The following MYLK4 variants were observed in gnomAD, a reference collection of about 807,000 sequenced individuals.
MYLK4 encodes the protein caMLCK like.
In MYLK4, 46 loss-of-function variants were observed where a neutral mutation model predicts 48.1. The observed-to-expected ratio is 0.96, with a 90% CI of 0.75 to 1.22. The LOEUF (loss-of-function observed/expected upper bound fraction) is 1.22, where lower values mean the gene tolerates loss of function less well. MYLK4 is among the 50% of genes most tolerant of loss of function. The probability of loss-of-function intolerance (pLI) is 0.00; values close to 1 mark genes in which losing one functional copy is unlikely to be tolerated. For synonymous variants in MYLK4, 170 were observed against 180.8 expected, an observed-to-expected ratio of 0.94 and a Z score of 0.48; for missense variants, 451 against 486.1, an observed-to-expected ratio of 0.93 and a Z score of 0.68.
rs149654319 is a variant in MYLK4 at position 2,743,698 on chromosome 6, G to A, written c.159+5438C>T. On this transcript the variant is annotated intron_variant, in intron 2 of 12. Coordinates refer to ENST00000274643, the MANE Select transcript of MYLK4 (RefSeq NM_001012418.5). ...TAATATGCACAGGGAATCCCTGCCC[G>A]TGAGGTTCCCCAAAAGTTGGTGCAA... 2.8e-3 allele frequency among the ~76,000 whole-genome samples: 426 copies of A among 152,216 alleles called. 5 individuals carry two copies. Among genetic ancestry groups the A allele is most frequent in the African/African-American group, 8.3e-3 (345 of 41,524 alleles).
At chr6:2,686,653 G>C (rs1761563762) in intron 4 of MYLK4, among the ~76,000 whole-genome samples, 1 of 152,192 alleles carries the variant, frequency 6.6e-6, no homozygotes, top group Admixed American at 6.5e-5. Context: ...AGCGATGAAA[G>C]TCATGGCAAC....
intron 2 of MYLK4, among the ~76,000 whole-genome samples, chr6:2,709,701 A>G (rs953876286): frequency 1.3e-5 from 2 of 152,250 alleles, no homozygotes; most frequent in Admixed American, 1.3e-4. Flanking sequence ...CAATTGCCCT[A>G]GGGTTAGCTT....
the MYLK4 span, among the ~76,000 whole-genome samples, chr6:2,769,175 T>C: frequency 6.6e-6 from 1 of 152,256 alleles, no homozygotes; most frequent in Non-Finnish European, 1.5e-5. Context: ...ATCTAAATAC[T>C]AGGAGTCATT....
chr6:2,678,189 G>A, intron 10 of MYLK4, 31 bp downstream of exon 10: 1 of 1,608,472 alleles, frequency 6.2e-7, no homozygotes, highest in Non-Finnish European at 8.5e-7. Context: ...CATCCCTACT[G>A]CGCCCGGAGC....
chr6:2,728,420 C>A (rs2326027), intron 2 of MYLK4, among the ~76,000 whole-genome samples: 76,711 of 149,686 alleles, frequency 0.51, 20,244 homozygotes, highest in Non-Finnish European at 0.57. Flanking sequence ...TTAAAAAAAA[C>A]AAAACAGTCT....
intron 2 of MYLK4, among the ~76,000 whole-genome samples, chr6:2,732,550 C>T (rs1335351640): frequency 6.6e-6 from 1 of 152,124 alleles, no homozygotes; most frequent in Non-Finnish European, 1.5e-5. Flanking sequence ...TCTACACATA[C>T]AGCCACAGAG....
At chr6:2,724,808 G>A (rs1041131748) in intron 2 of MYLK4, among the ~76,000 whole-genome samples, 8 of 152,134 alleles carry the variant, frequency 5.3e-5, no homozygotes, top group South Asian at 2.1e-4. Context: ...GGGAGACCTC[G>A]TATTCTATTA....
chr6:2,699,331 G>A (rs1218256797), intron 2 of MYLK4, among the ~76,000 whole-genome samples: 17 of 91,422 alleles, frequency 1.9e-4, no homozygotes, highest in African/African-American at 7.7e-4. Context: ...TCTCTCTGTC[G>A]CCCAGGCTGG....
upstream of MYLK4, among the ~76,000 whole-genome samples, chr6:2,753,194 T>G (rs1462916119): frequency 1.3e-5 from 2 of 152,234 alleles, no homozygotes; most frequent in Non-Finnish European, 2.9e-5. Context: ...CCTTGATTTT[T>G]TTCAAGGGAC....
intron 4 of MYLK4, among the ~76,000 whole-genome samples, chr6:2,686,106 AAAAG>A (rs1761537004): frequency 1.3e-5 from 2 of 151,700 alleles, no homozygotes; most frequent in African/African-American, 4.8e-5. Flanking sequence ...AAGAAAAAAA[AAAAG>A]AATCCAGGAT....
chr6:2,691,394 G>A (rs1761792059), intron 3 of MYLK4, among the ~76,000 whole-genome samples: 1 of 152,120 alleles, frequency 6.6e-6, no homozygotes, highest in African/African-American at 2.4e-5. Flanking sequence ...TGATACTTTT[G>A]GTTCCAAATA....
rs1239347773 is a variant in MYLK4, at chr6:2,663,730, G to A, written c.*4195C>T. 4 of 152,412 alleles carry A rather than the reference G, an allele frequency of 2.6e-5. No individual in the cohort carries two copies. Among genetic ancestry groups the A allele is most frequent in the African/African-American group, 7.3e-5 (3 of 41,324 alleles). The allele number at this position is 152,412 out of a possible 1,614,324, so 9.4% of individuals were successfully genotyped here. A position where few individuals can be genotyped will look rare whatever the true frequency, so the allele number is the denominator to read the frequency against. Reference sequence around the variant, plus strand: ...AAGAAAAACAGCTAAATGAAAGTACGTTCAGAAATTTAAAATATACATGAT... The same window carrying A: ...AAGAAAAACAGCTAAATGAAAGTACATTCAGAAATTTAAAATATACATGAT... On this transcript the variant is annotated 3_prime_UTR_variant, in exon 13 of 13. Transcript: ENST00000274643.
intron 2 of MYLK4, among the ~76,000 whole-genome samples, chr6:2,729,558 A>G (rs78513595): frequency 0.038 from 5,841 of 152,276 alleles, 398 homozygotes; most frequent in African/African-American, 0.13. Flanking sequence ...TTAGTTCCCC[A>G]ACCCTAAACC....
intron 2 of MYLK4, among the ~76,000 whole-genome samples, chr6:2,714,296 A>C (rs1488693963): frequency 1.3e-5 from 2 of 152,202 alleles, no homozygotes; most frequent in Non-Finnish European, 2.9e-5. Context: ...AACGTCCCAG[A>C]AGTTACCCCC....
intron 2 of MYLK4, among the ~76,000 whole-genome samples, chr6:2,726,785 T>C (rs1227600392): frequency 2.0e-5 from 3 of 151,898 alleles, no homozygotes; most frequent in Non-Finnish European, 2.9e-5. Flanking sequence ...GCTAATTTTT[T>C]TATTTTTAGT....
At chr6:2,765,182 A>ACC in the MYLK4 span, among the ~76,000 whole-genome samples, 8,017 of 72,144 alleles carry the variant, frequency 0.11, 1,148 homozygotes, top group South Asian at 0.16. Context: ...TCGCCTCGCA[A>ACC]CCCCCCCCCC....
chr6:2,734,140 C>T (rs942972210), intron 2 of MYLK4, among the ~76,000 whole-genome samples: 3 of 152,178 alleles, frequency 2.0e-5, no homozygotes, highest in Non-Finnish European at 2.9e-5. Context: ...CCATGCCACA[C>T]GTACTCATGT....
the MYLK4 span, among the ~76,000 whole-genome samples, chr6:2,759,468 T>C: frequency 2.6e-5 from 4 of 152,220 alleles, no homozygotes; most frequent in East Asian, 7.7e-4. Flanking sequence ...TACATATTTA[T>C]GTTCTTTACT....
Position 2,681,468 on chromosome 6 carries a change from A to G in MYLK4, c.688-1177T>C, listed in dbSNP as rs189640140. ...TGCTTAAATCACTGATGGATCATGT[A>G]TAAAGCTGTCCAATTGTGAAGGAGT... On this transcript the variant is annotated intron_variant, in intron 7 of 12. Transcript: ENST00000274643. 3.3e-5 allele frequency among the ~76,000 whole-genome samples: 5 copies of G among 152,362 alleles called. No homozygotes were observed. In the East Asian group the frequency reaches 5.8e-4, roughly 18 times the overall value.
Sources: gnomAD v4.1 joint callset for allele counts (sites outside exome capture counted in the v4.1 genomes callset) on GRCh38, gnomAD v4.1.1 for gene constraint, MANE v1.5 for transcripts, NCBI Gene and HGNC (gene_info 2026-07-23, HGNC 2026-07-21) for gene names.